VPS33B: variants seen among roughly 807,000 people sequenced by gnomAD.
VPS33B encodes VPS33B late endosome and lysosome associated, also known as vacuolar protein sorting-associated protein 33B.
In VPS33B, 80 loss-of-function variants were observed where a neutral mutation model predicts 95.3. The ratio of observed to expected loss-of-function variants is 0.84; its 90% CI spans 0.70 to 1.01. VPS33B has a LOEUF of 1.01. Ranked by LOEUF, VPS33B falls within the 50% of genes least tolerant of loss-of-function variation. The pLI is 0.00. For missense variants in VPS33B, 715 were observed against 773.4 expected, an observed-to-expected ratio of 0.92 and a Z score of 0.90; for synonymous variants, 280 against 280.4, an observed-to-expected ratio of 1.00 and a Z score of 0.01.
downstream of VPS33B, chr15:90,998,597 C>T (rs772344017): frequency 5.4e-5 from 19 of 352,234 alleles, no homozygotes; most frequent in African/African-American, 8.5e-5. This position sits in a 1 kb window ranked among gnomAD's most constrained non-coding sequence, Gnocchi z 4.8. Flanking sequence ...CCAAGAAGCA[C>T]AGGAAGCCCC....
chr15:91,001,563 A>G (rs2040438828), intron 18 of VPS33B, 101 bp from the exon 19 acceptor site: 4 of 972,140 alleles, frequency 4.1e-6, no homozygotes, highest in East Asian at 2.4e-5. Flanking sequence ...ATCACATCCA[A>G]AAACTCTCGG....
At position 91,007,381 on chromosome 15, in the gene VPS33B, T is replaced by C; in HGVS notation, c.603+88A>G. 2 of 1,233,388 alleles carry C rather than the reference T, an allele frequency of 1.6e-6. No homozygotes were observed. The highest frequency in any genetic ancestry group is 2.3e-5 in the East Asian group (1 of 43,114). The allele number at this position is 1,233,388 out of a possible 1,614,324, so 76.4% of individuals were successfully genotyped here. A position where few individuals can be genotyped will look rare whatever the true frequency, so the allele number is the denominator to read the frequency against. ...AAAGCAAAGTAAAGAATACACCTCATATCACAGGTGCCCTTGGATAACCCC... is the reference window on the plus strand; with the variant it reads ...AAAGCAAAGTAAAGAATACACCTCACATCACAGGTGCCCTTGGATAACCCC... On this transcript the variant is annotated intron_variant, in intron 8 of 22. Transcript: ENST00000333371. This position sits in a 1 kb window ranked among gnomAD's most constrained non-coding sequence, Gnocchi z 5.3.
rs1007161991 is a variant in VPS33B at position 91,006,193 on chromosome 15, T to C, written c.853-134A>G. ...AGCTGAGCTGGGATCTGTAAGTCCA[T>C]ATCAAATGCCTACACCGTGTTCTAG... On this transcript the variant is annotated intron_variant, in intron 11 of 22. Coordinates refer to ENST00000333371, the MANE Select transcript of VPS33B (RefSeq NM_018668.5). The surrounding 1 kb of genome is among the most constrained non-coding windows in gnomAD (Gnocchi z 5.4). 13 of 1,327,498 alleles carry C rather than the reference T, an allele frequency of 9.8e-6. No individual in the cohort carries two copies. In the South Asian group the frequency reaches 1.3e-4, roughly 14 times the overall value. 82.2% of individuals were successfully genotyped at this position (1,327,498 alleles called of 1,614,324 possible). A position where few individuals can be genotyped will look rare whatever the true frequency, so the allele number is the denominator to read the frequency against.
chr15:91,019,675 AG>A (rs2041047293), intron 1 of VPS33B, among the ~76,000 whole-genome samples: 1 of 152,224 alleles, frequency 6.6e-6, no homozygotes, highest in Non-Finnish European at 1.5e-5. Context: ...GAGAAACAGG[AG>A]GCAGGGAGTC....
At position 91,005,863 on chromosome 15, in the gene VPS33B, C is replaced by G; in HGVS notation, c.940-79G>C. ...CACCCTCCCTCAGTTGCCATCCATCCATGAGAAAGGACAGGGAACCTGTCA... is the reference window on the plus strand; with the variant it reads ...CACCCTCCCTCAGTTGCCATCCATCGATGAGAAAGGACAGGGAACCTGTCA... On this transcript the variant is annotated intron_variant, in intron 12 of 22. Transcript: ENST00000333371. The surrounding 1 kb of genome is among the most constrained non-coding windows in gnomAD (Gnocchi z 6.4). 6.2e-7 allele frequency: 1 copy of G among 1,608,626 alleles called. No homozygotes were observed. The highest frequency in any genetic ancestry group is 2.2e-5 in the East Asian group (1 of 44,842).
chr15:91,007,639 G>T lies in VPS33B; in HGVS notation c.499-66C>A, dbSNP rs557931194. The stretch of plus-strand genomic sequence containing the variant: ...AGTAGGACCACCTGGAAAGTGGCTA[G>T]CCCTAGAAGCCCTGGAGCAGGGTGG... On this transcript the variant is annotated intron_variant, in intron 7 of 22. Coordinates refer to ENST00000333371, the MANE Select transcript of VPS33B (RefSeq NM_018668.5). The surrounding 1 kb of genome is among the most constrained non-coding windows in gnomAD (Gnocchi z 5.3). 1.2e-5 allele frequency: 19 copies of T among 1,538,414 alleles called. No homozygotes were observed. In the East Asian group the frequency reaches 4.0e-4, roughly 33 times the overall value.
rs1043697950 is a variant in VPS33B at position 91,018,358 on chromosome 15, T to G, written c.97-473A>C. ...AGGACAGTCCTCACCCCATCACCCT[T>G]CCACTCCCCCACCCCACAATCCCTG... On this transcript the variant is annotated intron_variant, in intron 1 of 22. Coordinates refer to ENST00000333371, the MANE Select transcript of VPS33B (RefSeq NM_018668.5). This position sits in a 1 kb window ranked among gnomAD's most constrained non-coding sequence, Gnocchi z 4.7. Among the ~76,000 whole-genome samples, 2 of 152,010 alleles carry G rather than the reference T, an allele frequency of 1.3e-5. No homozygotes were observed. The highest frequency in any genetic ancestry group is 4.8e-5 in the African/African-American group (2 of 41,372).
Position 91,005,531 on chromosome 15 carries a change from ACCT to A in VPS33B, c.1031-80_1031-78del, listed in dbSNP as rs1408254186. 6 of 1,606,838 alleles carry A rather than the reference ACCT, an allele frequency of 3.7e-6. No homozygotes were observed. Among genetic ancestry groups the A allele is most frequent in the Non-Finnish European group, 3.4e-6 (4 of 1,174,128 alleles). ...CCTTTATTGTCCGGAAGAATAAAAA[ACCT>A]CCTAAGGCAAAATCCGAAAGCACTT... On this transcript the variant is annotated intron_variant, in intron 13 of 22. Transcript: ENST00000333371. This position sits in a 1 kb window ranked among gnomAD's most constrained non-coding sequence, Gnocchi z 6.4.
rs2040779674 is a variant in VPS33B, at chr15:91,011,558, A to G, written c.358-1712T>C. ...AGAAGAGAGAGAGATGCCTCCTAAT[A>G]TAAAATTAGGTCAAAGAATTTGATT... On this transcript the variant is annotated intron_variant, in intron 5 of 22. Coordinates refer to ENST00000333371, the MANE Select transcript of VPS33B (RefSeq NM_018668.5). The surrounding 1 kb of genome is among the most constrained non-coding windows in gnomAD (Gnocchi z 5.5). Among the ~76,000 whole-genome samples, 1 of 152,252 alleles carries G rather than the reference A, an allele frequency of 6.6e-6. No individual in the cohort carries two copies. Among genetic ancestry groups the G allele is most frequent in the Non-Finnish European group, 1.5e-5 (1 of 68,036 alleles).
At position 91,000,016 on chromosome 15, in the gene VPS33B, A is replaced by G; in HGVS notation, c.1582-41T>C. On this transcript the variant is annotated intron_variant, in intron 20 of 22. Coordinates refer to ENST00000333371, the MANE Select transcript of VPS33B (RefSeq NM_018668.5). This position sits in a 1 kb window ranked among gnomAD's most constrained non-coding sequence, Gnocchi z 4.9. Reference sequence around the variant, plus strand: ...CACTGTTTTTAAGGCTACAGACAGTATCAGGCTTAGGAAAGGAAGGGCACA... The same window carrying G: ...CACTGTTTTTAAGGCTACAGACAGTGTCAGGCTTAGGAAAGGAAGGGCACA... The G allele has an allele frequency of 1.2e-6, 2 of 1,611,626 alleles. No homozygotes were observed. The highest frequency in any genetic ancestry group is 1.7e-6 in the Non-Finnish European group (2 of 1,178,246).
rs1224191935 is a variant in VPS33B, at chr15:91,007,602, A to G, written c.499-29T>C. ...CAGGGACCACACAAGCCACAAAGAT[A>G]TGAATCAACCCAGTAGGACCACCTG... On this transcript the variant is annotated intron_variant, in intron 7 of 22. Coordinates refer to ENST00000333371, the MANE Select transcript of VPS33B (RefSeq NM_018668.5). This position sits in a 1 kb window ranked among gnomAD's most constrained non-coding sequence, Gnocchi z 5.3. 3.7e-6 allele frequency: 6 copies of G among 1,611,390 alleles called. No individual in the cohort carries two copies. The highest frequency in any genetic ancestry group is 5.1e-6 in the Non-Finnish European group (6 of 1,177,500).
rs190594444 is a variant in VPS33B at position 91,010,751 on chromosome 15, G to A, written c.358-905C>T. 2.3e-3 allele frequency among the ~76,000 whole-genome samples: 343 copies of A among 152,300 alleles called. 1 individual carries two copies. The highest frequency in any genetic ancestry group is 9.3e-3 in the South Asian group (45 of 4,828). ...AGAAAGAATACTCAGAGAAGCAGGG[G>A]CAGGAGAAAACAGCAACAGTCAAGG... On this transcript the variant is annotated intron_variant, in intron 5 of 22. Transcript: ENST00000333371. The surrounding 1 kb of genome is among the most constrained non-coding windows in gnomAD (Gnocchi z 5.7).
rs12148524 is a variant in VPS33B at position 91,010,152 on chromosome 15, G to C, written c.358-306C>G. The stretch of plus-strand genomic sequence containing the variant: ...AGGTAAGTTGTACAGACAGAGATGA[G>C]AGCAATGGCATGAAGTGCTCTGGAA... On this transcript the variant is annotated intron_variant, in intron 5 of 22. Coordinates refer to ENST00000333371, the MANE Select transcript of VPS33B (RefSeq NM_018668.5). This position sits in a 1 kb window ranked among gnomAD's most constrained non-coding sequence, Gnocchi z 5.7. Among the ~76,000 whole-genome samples, 13,589 of 152,310 alleles carry C rather than the reference G, an allele frequency of 0.089. 799 individuals are homozygous for C. The highest frequency in any genetic ancestry group is 0.16 in the South Asian group (770 of 4,826).
intron 4 of VPS33B, 141 bp downstream of exon 4, chr15:91,014,235 AAAAAAAAG>A: frequency 4.7e-6 from 4 of 851,684 alleles, no homozygotes; most frequent in Non-Finnish European, 7.4e-6. Context: ...AAAAAAAAAA[AAAAAAAAG>A]AAGCGGGGAA....
Position 90,998,964 on chromosome 15 carries a change from C to T in VPS33B, c.*11G>A, listed in dbSNP as rs966656306. On this transcript the variant is annotated 3_prime_UTR_variant, in exon 23 of 23. Transcript: ENST00000333371. The surrounding 1 kb of genome is among the most constrained non-coding windows in gnomAD (Gnocchi z 4.8). The stretch of plus-strand genomic sequence containing the variant: ...GTTCAGGGAAGATGTCAACACTGGC[C>T]GGGAAAAACATCAGGCTTTCACCTC... The T allele has an allele frequency of 5.6e-6, 9 of 1,613,872 alleles. No individual in the cohort carries two copies. The highest frequency in any genetic ancestry group is 6.8e-6 in the Non-Finnish European group (8 of 1,179,938).
rs1259214302 is a variant in VPS33B, at chr15:91,011,375, T to C, written c.358-1529A>G. Among the ~76,000 whole-genome samples the C allele has an allele frequency of 6.6e-6, 1 of 152,234 alleles. No homozygotes were observed. Among genetic ancestry groups the C allele is most frequent in the African/African-American group, 2.4e-5 (1 of 41,464 alleles). On this transcript the variant is annotated intron_variant, in intron 5 of 22. Transcript: ENST00000333371. The surrounding 1 kb of genome is among the most constrained non-coding windows in gnomAD (Gnocchi z 5.5). ...GTAGATCAATGCTACGTGCTCCTTA[T>C]TTTACTGTTACACAGAAGAATCCTA...
rs1186310951 is a variant in VPS33B at position 91,009,899 on chromosome 15, A to G, written c.358-53T>C. On this transcript the variant is annotated intron_variant, in intron 5 of 22. Transcript: ENST00000333371. This position sits in a 1 kb window ranked among gnomAD's most constrained non-coding sequence, Gnocchi z 4.1. ...AACTACCTTCTTCTCTGTTCTCTCC[A>G]TTTCTCTGGAGTTCCTCTGTGGTCA... The G allele has an allele frequency of 3.7e-6, 6 of 1,607,274 alleles. No individual in the cohort carries two copies. In the Admixed American group the frequency reaches 5.0e-5, roughly 13 times the overall value.
rs375376103 is a variant in VPS33B at position 90,999,800 on chromosome 15, G to A, written c.1658-7C>T. ...TTGTCTTCCTTAGTCATATCTGTGA[G>A]GATCAGACCAGATTCAGCCCTTCCC... On this transcript the variant is annotated splice_region_variant and splice_polypyrimidine_tract_variant and intron_variant, in intron 21 of 22. Coordinates refer to ENST00000333371, the MANE Select transcript of VPS33B (RefSeq NM_018668.5). This position sits in a 1 kb window ranked among gnomAD's most constrained non-coding sequence, Gnocchi z 5.1. 61 of 1,614,082 alleles carry A rather than the reference G, an allele frequency of 3.8e-5. 1 individual carries two copies. In the African/African-American group the frequency reaches 7.5e-4, roughly 20 times the overall value.
chr15:91,005,451 A>G lies in VPS33B; in HGVS notation c.1034T>C (p.Ile345Thr), dbSNP rs763209113. 6.2e-6 allele frequency: 10 copies of G among 1,613,944 alleles called. No individual in the cohort carries two copies. The African/African-American group carries it at 1.2e-4, about 19-fold the overall frequency. Residue 345 changes from isoleucine to threonine, a missense_variant, in exon 14 of 23, where the codon ATT (isoleucine) becomes ACT (threonine). Transcript: ENST00000333371. This position sits in a 1 kb window ranked among gnomAD's most constrained non-coding sequence, Gnocchi z 6.4. ...CTTCATGATGGATTCACAGGCCCCA[A>G]TATCTGCAGGTTGGACAAAGGGAGC... ...KQEHRLLSLH[I>T]GACESIMKKK... is the part of the protein sequence containing the mutation.
Sources: allele counts gnomAD v4.1 joint callset (sites outside exome capture counted in the v4.1 genomes callset), GRCh38; gene constraint gnomAD v4.1.1; non-coding constraint Gnocchi (gnomAD v3.1); transcripts MANE v1.5; gene names NCBI Gene and HGNC (gene_info 2026-07-23, HGNC 2026-07-21).